The following UGGT1 variants were observed in gnomAD, a reference collection of about 807,000 sequenced individuals.
UGGT1 encodes UDP-glucose glycoprotein glucosyltransferase 1.
UGGT1 carries 107 observed loss-of-function variants against 203.9 expected under a neutral mutation model. The observed-to-expected ratio is 0.52, with a 90% CI of 0.45 to 0.62. UGGT1 has a LOEUF of 0.62. UGGT1 is among the 20% of genes least tolerant of loss of function. UGGT1 has a pLI of 0.00. For synonymous variants in UGGT1, 628 were observed against 653.5 expected (o/e 0.96, Z 0.59); for missense variants, 1,673 against 1,867.2 (o/e 0.90, Z 1.92).
chr2:128,113,093 T>A lies in UGGT1; in HGVS notation c.531T>A (p.Pro177=). ...LLLTASERPK[P]LLFKGDHRYP... is the part of the protein sequence containing the mutation. ...TATTATTTATTTTCAGACCCAAACC[T>A]TTATTGTTCAAAGGAGATCACAGAT... The change falls in exon 6 of 41, where the codon CCT becomes CCA. Residue 177 remains proline, a synonymous_variant. Transcript: ENST00000259253. 6.6e-7 allele frequency: 1 copy of A among 1,524,226 alleles called. No homozygotes were observed. Among genetic ancestry groups the A allele is most frequent in the Non-Finnish European group, 8.8e-7 (1 of 1,132,272 alleles). 94.4% of individuals were successfully genotyped at this position (1,524,226 alleles called of 1,614,324 possible).
Position 128,194,331 on chromosome 2 carries a change from A to G in UGGT1, c.*4589A>G, listed in dbSNP as rs1324217083. On this transcript the variant is annotated 3_prime_UTR_variant, in exon 41 of 41. Coordinates refer to ENST00000259253, the MANE Select transcript of UGGT1 (RefSeq NM_020120.4). ...GGCTGGAGTGGAGTGCAGTGGCACA[A>G]TCTCAGCTCACTGCAGCCTCTGCCT... 4 of 151,876 alleles carry G rather than the reference A, an allele frequency of 2.6e-5. No homozygotes were observed. Among genetic ancestry groups the G allele is most frequent in the Non-Finnish European group, 4.4e-5 (3 of 68,042 alleles). 9.4% of individuals were successfully genotyped at this position (151,876 alleles called of 1,614,324 possible).
At chr2:128,121,405 C>CA in intron 10 of UGGT1, 107 bp downstream of exon 10, 1 of 452,150 alleles carries the variant, frequency 2.2e-6, no homozygotes, top group Non-Finnish European at 3.6e-6. Context: ...AATTAAGATT[C>CA]TTTTTTTTTT....
At chr2:128,105,775 A>G (rs1434394938) in intron 3 of UGGT1, among the ~76,000 whole-genome samples, 1 of 151,682 alleles carries the variant, frequency 6.6e-6, no homozygotes, top group Non-Finnish European at 1.5e-5. Flanking sequence ...TCAGCCTCCC[A>G]AAGTGCTAGG....
At chr2:128,163,373 G>GTTT (rs5834199) in intron 25 of UGGT1, among the ~76,000 whole-genome samples, 3 of 114,150 alleles carry the variant, frequency 2.6e-5, no homozygotes, top group East Asian at 2.6e-4. Flanking sequence ...AAATTGGAGT[G>GTTT]TTTTTTTTTT....
chr2:128,134,045 C>CA (rs969825182), intron 14 of UGGT1, among the ~76,000 whole-genome samples: 2 of 151,630 alleles, frequency 1.3e-5, no homozygotes, highest in African/African-American at 2.4e-5. Flanking sequence ...TTTTCTTCCC[C>CA]CCACTCCCGC....
chr2:128,156,542 A>G, intron 21 of UGGT1, 127 bp downstream of exon 21: 1 of 641,724 alleles, frequency 1.6e-6, no homozygotes, highest in Non-Finnish European at 2.5e-6. Context: ...AGGAAGCTAT[A>G]TCAATGTAGA....
At chr2:128,110,882 C>G (rs1038638947) in intron 5 of UGGT1, among the ~76,000 whole-genome samples, 2 of 152,146 alleles carry the variant, frequency 1.3e-5, no homozygotes, top group African/African-American at 4.8e-5. Flanking sequence ...GTCATTTCCT[C>G]CTGTTACAAT....
chr2:128,171,298 T>A lies in UGGT1; in HGVS notation c.3104+14T>A. On this transcript the variant is annotated intron_variant, in intron 28 of 40. Transcript: ENST00000259253. ...GCCTTTAAAAAGGTAAAACATGCTA[T>A]GTAAGAAAACAGTTGAAGAAATTGT... is the stretch of plus-strand genomic sequence containing the variant. 6.2e-7 allele frequency: 1 copy of A among 1,607,038 alleles called. No individual in the cohort carries two copies. The highest frequency in any genetic ancestry group is 8.5e-7 in the Non-Finnish European group (1 of 1,176,534).
chr2:128,164,813 A>C lies in UGGT1; in HGVS notation c.2909A>C (p.Glu970Ala). 6.2e-7 allele frequency: 1 copy of C among 1,606,918 alleles called. No individual in the cohort carries two copies. Among genetic ancestry groups the C allele is most frequent in the South Asian group, 1.1e-5 (1 of 89,674 alleles). ...CCAAGAATCGAGTACCAGTTTTTTGAAGACAGACACAGGTATAGAATTAAT... is the reference window on the plus strand; with the variant it reads ...CCAAGAATCGAGTACCAGTTTTTTGCAGACAGACACAGGTATAGAATTAAT... ...GDPRIEYQFF[E>A]DRHSAIKLRP... Residue 970 changes from glutamate to alanine, a missense_variant, in exon 26 of 41, where the codon GAA (glutamate) becomes GCA (alanine). Physicochemically the swap from Glu to Ala is moderately radical, Grantham distance 107 (BLOSUM62 -1). Transcript: ENST00000259253.
intron 29 of UGGT1, among the ~76,000 whole-genome samples, chr2:128,173,434 T>G (rs185739187): frequency 1.4e-4 from 22 of 152,326 alleles, no homozygotes; most frequent in Non-Finnish European, 2.4e-4. Flanking sequence ...CTCGTTCGTA[T>G]TTTTAGAATA....
At chr2:128,128,687 G>T (rs553915538) in intron 12 of UGGT1, among the ~76,000 whole-genome samples, 1 of 152,176 alleles carries the variant, frequency 6.6e-6, no homozygotes, top group African/African-American at 2.4e-5. Flanking sequence ...TTTTTCTGTG[G>T]TCATATGTTT....
Position 128,091,276 on chromosome 2 carries a change from A to AGCCTGCACTGCCGCT in UGGT1, c.-78_-64dup, listed in dbSNP as rs1229532624. On this transcript the variant is annotated 5_prime_UTR_variant, in exon 1 of 41. Coordinates refer to ENST00000259253, the MANE Select transcript of UGGT1 (RefSeq NM_020120.4). ...GCGCGTGTCGGCCTCTCACTGGCGC[A>AGCCTGCACTGCCGCT]GCCTGCACTGCCGCTGCCGCCTCGC... is the stretch of plus-strand genomic sequence containing the variant. 3 of 1,407,100 alleles carry AGCCTGCACTGCCGCT rather than the reference A, an allele frequency of 2.1e-6. No homozygotes were observed. The highest frequency in any genetic ancestry group is 2.8e-6 in the Non-Finnish European group (3 of 1,060,094). 87.2% of individuals were successfully genotyped at this position (1,407,100 alleles called of 1,614,324 possible). A position where few individuals can be genotyped will look rare whatever the true frequency, so the allele number is the denominator to read the frequency against.
At position 128,110,481 on chromosome 2, in the gene UGGT1, G is replaced by A. The variant is rs144807783; in HGVS notation, c.521+735G>A. Among the ~76,000 whole-genome samples the A allele has an allele frequency of 5.3e-3, 812 of 152,278 alleles. 12 individuals carry two copies. Among genetic ancestry groups the A allele is most frequent in the African/African-American group, 0.017 (715 of 41,548 alleles). ...GAGTGCCGACCAAAAAACAGCGTGCGTTCCAGCCATCTCCGGGTCAAGGCA... is the reference window on the plus strand; with the variant it reads ...GAGTGCCGACCAAAAAACAGCGTGCATTCCAGCCATCTCCGGGTCAAGGCA... On this transcript the variant is annotated intron_variant, in intron 5 of 40. Coordinates refer to ENST00000259253, the MANE Select transcript of UGGT1 (RefSeq NM_020120.4).
At chr2:128,184,386 G>A (rs749666836) in intron 38 of UGGT1, among the ~76,000 whole-genome samples, 2 of 152,004 alleles carry the variant, frequency 1.3e-5, no homozygotes, top group Admixed American at 6.6e-5. Context: ...GTGATATGTA[G>A]CATCCATAAA....
intron 6 of UGGT1, 111 bp from the exon 7 acceptor site, chr2:128,115,013 G>A (rs532081624): frequency 3.4e-6 from 3 of 874,096 alleles, no homozygotes; most frequent in African/African-American, 3.4e-5. Context: ...TATTTTGAGG[G>A]CATAATCCGA....
In UGGT1 at chr2:128,178,482, A is replaced by T. The variant is rs1200925692; in HGVS notation, c.3728A>T (p.Gln1243Leu). Residue 1243 changes from glutamine (Q) to leucine (L), a missense_variant, in exon 34 of 41, where the codon CAG becomes CTG. Coordinates refer to ENST00000259253, the MANE Select transcript of UGGT1 (RefSeq NM_020120.4). ...TATTGTTATAGGGGCTTTACAGGAC[A>T]GAAGACTGAGGAAGTGAAGCAAGAT... ...WDSFKWGFTG[Q>L]KTEEVKQDKD... 1.9e-6 allele frequency: 3 copies of T among 1,613,770 alleles called. No homozygotes were observed. Among genetic ancestry groups the T allele is most frequent in the Non-Finnish European group, 1.7e-6 (2 of 1,179,950 alleles).
In UGGT1 at chr2:128,157,258, CT is replaced by C; in HGVS notation, c.2271del (p.Phe757LeufsTer5). The C allele has an allele frequency of 6.2e-7, 1 of 1,613,716 alleles. No individual in the cohort carries two copies. ...TGTTTTTGTTTTTCTACAGATGATT[CT>C]TTTATTAGGCCAGTAACTTTTTGGA... ...GMSSKEIYDD[S>X]FIRPVTFWIV... On this transcript the variant is annotated frameshift_variant, in exon 22 of 41. Transcript: ENST00000259253. LOFTEE classifies it high-confidence loss of function.
rs757322779 is a variant in UGGT1, at chr2:128,159,465, A to G, written c.2356-49A>G. On this transcript the variant is annotated intron_variant, in intron 22 of 40. Transcript: ENST00000259253. ...TGACTGATGTTAATGCTGCTTTTTA[A>G]GTTCAAAAATATCTACAATATGACT... 7 of 1,544,708 alleles carry G rather than the reference A, an allele frequency of 4.5e-6. No homozygotes were observed. In the South Asian group the frequency reaches 5.6e-5, roughly 12 times the overall value.
chr2:128,119,581 C>A (rs1035482121), intron 8 of UGGT1, among the ~76,000 whole-genome samples: 1 of 152,172 alleles, frequency 6.6e-6, no homozygotes, highest in Non-Finnish European at 1.5e-5. Flanking sequence ...AAGATAAAAC[C>A]CAGTAACTAT....
Sources: allele counts gnomAD v4.1 joint callset (sites outside exome capture counted in the v4.1 genomes callset), GRCh38; gene constraint gnomAD v4.1.1; transcripts MANE v1.5; gene names NCBI Gene and HGNC (gene_info 2026-07-23, HGNC 2026-07-21).